VPS13B: variants seen among roughly 807,000 people sequenced by gnomAD.
VPS13B encodes vacuolar protein sorting 13 homolog B.
VPS13B carries 285 observed loss-of-function variants against 426.4 expected under a neutral mutation model. The ratio of observed to expected loss-of-function variants is 0.67; its 90% confidence interval spans 0.61 to 0.74. The LOEUF (loss-of-function observed/expected upper bound fraction) is 0.74, where lower values mean the gene tolerates loss of function less well. Ranked by LOEUF, VPS13B falls within the 30% of genes least tolerant of loss-of-function variation. The pLI is 0.00. For synonymous variants in VPS13B, 1,676 were observed against 1,676.4 expected (o/e 1.00, Z 0.01); for missense variants, 4,537 against 4,782.6 (o/e 0.95, Z 1.51).
At chr8:99,661,309 T>G (rs1436403438) in intron 34 of VPS13B, 45 bp from the exon 35 acceptor site, 2 of 1,609,406 alleles carry the variant, frequency 1.2e-6, no homozygotes, top group Non-Finnish European at 8.5e-7. Context: ...AAATGAGATA[T>G]TTGTGATGTA....
intron 17 of VPS13B, among the ~76,000 whole-genome samples, chr8:99,225,113 TA>T (rs1815941840): frequency 6.6e-6 from 1 of 152,186 alleles, no homozygotes; most frequent in East Asian, 1.9e-4. Context: ...ATACACTGAG[TA>T]ATCTCTTTCT....
chr8:99,157,224 C>A (rs1353653968), intron 15 of VPS13B, among the ~76,000 whole-genome samples: 2 of 149,452 alleles, frequency 1.3e-5, no homozygotes, highest in East Asian at 3.9e-4. Flanking sequence ...TTTTATCATG[C>A]ATTACTTTAT....
At chr8:99,443,202 A>AAT (rs1274216683) in intron 23 of VPS13B, among the ~76,000 whole-genome samples, 2 of 152,110 alleles carry the variant, frequency 1.3e-5, no homozygotes, top group Non-Finnish European at 2.9e-5. Flanking sequence ...TTTCAAACAA[A>AAT]ATGTGAACCT....
At chr8:99,177,340 C>G (rs1458371689) in intron 16 of VPS13B, among the ~76,000 whole-genome samples, 1 of 151,974 alleles carries the variant, frequency 6.6e-6, no homozygotes, top group East Asian at 1.9e-4. Flanking sequence ...TTCTGTTTTT[C>G]CTTATATTTT....
chr8:99,162,818 C>G (rs983074868), intron 15 of VPS13B, among the ~76,000 whole-genome samples: 3 of 152,114 alleles, frequency 2.0e-5, no homozygotes, highest in East Asian at 1.9e-4. Flanking sequence ...GAAGGGAACC[C>G]GAGCGGGTTG....
chr8:99,335,377 G>A (rs1310400099), intron 19 of VPS13B, among the ~76,000 whole-genome samples: 1 of 152,004 alleles, frequency 6.6e-6, no homozygotes, highest in Non-Finnish European at 1.5e-5. Context: ...TCTGATTTTA[G>A]TTATTTCTTG....
chr8:99,248,006 A>G (rs773503785), intron 17 of VPS13B, among the ~76,000 whole-genome samples: 1 of 152,220 alleles, frequency 6.6e-6, no homozygotes, highest in Admixed American at 6.5e-5. Flanking sequence ...ATAAAACTCC[A>G]TTACTCACTT....
intron 5 of VPS13B, among the ~76,000 whole-genome samples, chr8:99,105,074 A>G (rs1417000683): frequency 6.6e-6 from 1 of 152,238 alleles, no homozygotes; most frequent in Non-Finnish European, 1.5e-5. Context: ...TAAGGCATAC[A>G]ACTAGGAAGT....
At chr8:99,312,108 G>C (rs1164199433) in intron 19 of VPS13B, among the ~76,000 whole-genome samples, 1 of 152,048 alleles carries the variant, frequency 6.6e-6, no homozygotes, top group East Asian at 1.9e-4. Flanking sequence ...CACACTGATG[G>C]GACTTGACTG....
At chr8:99,762,140 T>A (rs1461520317) in intron 39 of VPS13B, among the ~76,000 whole-genome samples, 1 of 151,898 alleles carries the variant, frequency 6.6e-6, no homozygotes, top group Non-Finnish European at 1.5e-5. Context: ...ATCCTCCGAC[T>A]TCAGCCTCCT....
chr8:99,610,614 C>T (rs1258681898), intron 33 of VPS13B, among the ~76,000 whole-genome samples: 1 of 152,016 alleles, frequency 6.6e-6, no homozygotes, highest in African/African-American at 2.4e-5. Context: ...GGAGGGATAG[C>T]ATTAGGAGAA....
At chr8:99,237,651 A>T (rs988186847) in intron 17 of VPS13B, among the ~76,000 whole-genome samples, 4 of 152,246 alleles carry the variant, frequency 2.6e-5, no homozygotes, top group East Asian at 1.9e-4. Flanking sequence ...TGAGGAGGTG[A>T]TGGTGAGGGA....
chr8:99,757,152 C>T (rs1161455189), intron 39 of VPS13B, among the ~76,000 whole-genome samples: 1 of 152,158 alleles, frequency 6.6e-6, no homozygotes, highest in Non-Finnish European at 1.5e-5. Context: ...GCTATAATTA[C>T]CCAATTTGGC....
At chr8:99,651,021 C>A (rs1022554831) in intron 34 of VPS13B, among the ~76,000 whole-genome samples, 2 of 151,982 alleles carry the variant, frequency 1.3e-5, no homozygotes. Flanking sequence ...TATAAATAGG[C>A]TATAATGCAA....
chr8:99,150,483 A>G (rs1811011624), intron 14 of VPS13B, among the ~76,000 whole-genome samples: 1 of 152,200 alleles, frequency 6.6e-6, no homozygotes, highest in Admixed American at 6.5e-5. Flanking sequence ...ATCTGCTATA[A>G]CAATATCACA....
intron 34 of VPS13B, among the ~76,000 whole-genome samples, chr8:99,658,211 G>A (rs902381252): frequency 2.8e-4 from 42 of 152,128 alleles, no homozygotes; most frequent in African/African-American, 9.7e-4. Flanking sequence ...TTTACCATAT[G>A]TGTTTAAAAA....
chr8:99,793,282 T>TAA (rs1227838356), intron 43 of VPS13B, among the ~76,000 whole-genome samples: 2 of 144,554 alleles, frequency 1.4e-5, no homozygotes, highest in East Asian at 4.0e-4. Context: ...TATATATATA[T>TAA]ATAAAATACA....
intron 31 of VPS13B, among the ~76,000 whole-genome samples, chr8:99,569,087 G>T (rs1825341822): frequency 6.6e-6 from 1 of 152,028 alleles, no homozygotes; most frequent in Non-Finnish European, 1.5e-5. Context: ...CTCCCAAAGT[G>T]CTGGGATTAC....
At chr8:99,457,490 TTTTTTC>T (rs1241734846) in intron 23 of VPS13B, among the ~76,000 whole-genome samples, 1 of 152,182 alleles carries the variant, frequency 6.6e-6, no homozygotes, top group African/African-American at 2.4e-5. Context: ...GACTTATCCC[TTTTTTC>T]TGGGTTAAGC....
Sources: allele counts gnomAD v4.1 joint callset (sites outside exome capture counted in the v4.1 genomes callset), GRCh38; gene constraint gnomAD v4.1.1; transcripts MANE v1.5; gene names NCBI Gene and HGNC (gene_info 2026-07-23, HGNC 2026-07-21).